KBTBD3: variants seen among roughly 807,000 people sequenced by gnomAD.
The protein encoded by KBTBD3 is kelch repeat and BTB domain containing 3.
In KBTBD3, 38 loss-of-function variants were observed where a neutral mutation model predicts 49.6. The ratio of observed to expected loss-of-function variants is 0.77; its 90% CI spans 0.59 to 1.00. KBTBD3 has a LOEUF of 1.00. Ranked by LOEUF, KBTBD3 falls within the 50% of genes least tolerant of loss-of-function variation. KBTBD3 has a pLI of 0.00. For synonymous variants in KBTBD3, 214 were observed against 250.4 expected (o/e 0.85, Z 1.37); for missense variants, 661 against 712.0 (o/e 0.93, Z 0.81).
intron 2 of KBTBD3, among the ~76,000 whole-genome samples, chr11:106,071,959 G>A (rs1365440976): frequency 6.6e-6 from 1 of 152,072 alleles, no homozygotes; most frequent in Non-Finnish European, 1.5e-5. Flanking sequence ...AGATTTATAA[G>A]GCAATTATTT....
intron 2 of KBTBD3, among the ~76,000 whole-genome samples, chr11:106,062,171 T>C (rs1017355843): frequency 5.3e-5 from 8 of 151,978 alleles, no homozygotes; most frequent in African/African-American, 1.7e-4. Flanking sequence ...TGAGTAACTA[T>C]GAATAGGGAG....
In KBTBD3 at chr11:106,051,966, C is replaced by G. The variant is rs1161728726; in HGVS notation, c.*884G>C. ...TAAGAAATGCCATAATAATGATCCACTTAATTAGAGGTCAATTTTCTATGT... is the reference window on the plus strand; with the variant it reads ...TAAGAAATGCCATAATAATGATCCAGTTAATTAGAGGTCAATTTTCTATGT... On this transcript the variant is annotated 3_prime_UTR_variant, in exon 4 of 4. Coordinates refer to ENST00000531837, the MANE Select transcript of KBTBD3 (RefSeq NM_198439.3). The G allele has an allele frequency of 6.6e-6, 1 of 151,808 alleles. No homozygotes were observed. Among genetic ancestry groups the G allele is most frequent in the Non-Finnish European group, 1.5e-5 (1 of 67,806 alleles). The allele number at this position is 151,808 out of a possible 1,614,324, so 9.4% of individuals were successfully genotyped here.
rs111726815 is a variant in KBTBD3 at position 106,063,062 on chromosome 11, T to C, written c.-12-3953A>G. On this transcript the variant is annotated intron_variant, in intron 2 of 3. Coordinates refer to ENST00000531837, the MANE Select transcript of KBTBD3 (RefSeq NM_198439.3). ...ATCATACATCTTCCCAAGAGTGTGA[T>C]ATAATGTTGTTAAATAAGATGGCTA... Among the ~76,000 whole-genome samples the C allele has an allele frequency of 3.3e-3, 499 of 152,382 alleles. 2 individuals carry two copies. The highest frequency in any genetic ancestry group is 0.011 in the African/African-American group (473 of 41,600).
In KBTBD3 at chr11:106,053,947, C is replaced by T. The variant is rs1380590484; in HGVS notation, c.742G>A (p.Glu248Lys). Residue 248 changes from glutamate (E) to lysine (K), a missense_variant, in exon 4 of 4, where the codon GAG becomes AAG. By Grantham distance (56) the Glu-to-Lys change is moderately conservative (BLOSUM62 1). Transcript: ENST00000531837. ...AACAGACAGTCCTGAAGTGTCTCCT[C>T]AGATAACTGATGTAATCTCACTTTT... Reference protein sequence around the residue: ...IEKVRLHQLSEETLQDCLFNE... With the variant: ...IEKVRLHQLSKETLQDCLFNE... The T allele has an allele frequency of 3.1e-6, 5 of 1,613,840 alleles. No individual in the cohort carries two copies. In the African/African-American group the frequency reaches 4.0e-5, roughly 13 times the overall value.
In KBTBD3 at chr11:106,052,855, C is replaced by A; in HGVS notation, c.1834G>T (p.Ala612Ser). 1 of 1,608,148 alleles carries A rather than the reference C, an allele frequency of 6.2e-7. No individual in the cohort carries two copies. Residue 612 changes from alanine to serine, a missense_variant, in exon 4 of 4, where the codon GCT (alanine) becomes TCT (serine). Transcript: ENST00000531837. ...YRDPWFSNLC[A>S] ...CTGGACTCGTTTTAGAATGTTCAAG[C>A]ACATAGATTAGAAAACCATGGGTCT...
intron 2 of KBTBD3, among the ~76,000 whole-genome samples, chr11:106,068,491 A>G (rs1357456335): frequency 6.6e-6 from 1 of 152,210 alleles, no homozygotes; most frequent in Non-Finnish European, 1.5e-5. Flanking sequence ...TGATGCAGCT[A>G]AAATAGTGTG....
At position 106,053,099 on chromosome 11, in the gene KBTBD3, A is replaced by T. The variant is rs1415795624; in HGVS notation, c.1590T>A (p.Val530=). 6.2e-7 allele frequency: 1 copy of T among 1,613,758 alleles called. No homozygotes were observed. The highest frequency in any genetic ancestry group is 8.5e-7 in the Non-Finnish European group (1 of 1,179,816). Residue 530 remains valine (V), a synonymous_variant, in exon 4 of 4, where the codon GTT becomes GTA. Coordinates refer to ENST00000531837, the MANE Select transcript of KBTBD3 (RefSeq NM_198439.3). ...ACTCAAAAGATCCTTCGCCTTTCCAAACACAAGTGTCTGGACAAAAACTAT... is the reference window on the plus strand; with the variant it reads ...ACTCAAAAGATCCTTCGCCTTTCCATACACAAGTGTCTGGACAAAAACTAT... ...KVYSFCPDTC[V]WKGEGSFECA...
At chr11:106,056,939 T>C (rs966715461) in intron 3 of KBTBD3, among the ~76,000 whole-genome samples, 3 of 151,834 alleles carry the variant, frequency 2.0e-5, no homozygotes, top group Non-Finnish European at 4.4e-5. Context: ...AATGGCAGAG[T>C]ATAAGACAGT....
rs189323545 is a variant in KBTBD3 at position 106,069,605 on chromosome 11, A to G, written c.-13+6902T>C. 2.5e-3 allele frequency among the ~76,000 whole-genome samples: 379 copies of G among 152,082 alleles called. 1 individual carries two copies. Among genetic ancestry groups the G allele is most frequent in the African/African-American group, 8.8e-3 (364 of 41,560 alleles). On this transcript the variant is annotated intron_variant, in intron 2 of 3. Transcript: ENST00000531837. ...AAAATATAAAATGCTAAAAAAAAAA[A>G]TAAAAGAAGACTAAAATGGAAAGAC... is the stretch of plus-strand genomic sequence containing the variant.
chr11:106,072,430 A>G (rs1860937680), intron 2 of KBTBD3, among the ~76,000 whole-genome samples: 1 of 152,160 alleles, frequency 6.6e-6, no homozygotes, highest in Admixed American at 6.5e-5. Flanking sequence ...GTTGTGCCAT[A>G]GTTGGCATTT....
At chr11:106,066,840 A>G (rs1244840196) in intron 2 of KBTBD3, among the ~76,000 whole-genome samples, 1 of 152,000 alleles carries the variant, frequency 6.6e-6, no homozygotes. Flanking sequence ...CAACAACAAT[A>G]ACGAAAAACC....
intron 3 of KBTBD3, among the ~76,000 whole-genome samples, chr11:106,058,370 G>T (rs1860602057): frequency 7.0e-6 from 1 of 142,066 alleles, no homozygotes; most frequent in Admixed American, 6.8e-5. Flanking sequence ...GACAGAGCGA[G>T]ACTCCCTCTA....
chr11:106,059,203 A>T (rs1344255909), intron 2 of KBTBD3, 94 bp from the exon 3 acceptor site: 2 of 615,660 alleles, frequency 3.2e-6, no homozygotes, highest in African/African-American at 4.0e-5. Flanking sequence ...CACAAAAATA[A>T]CCACTAAGAA....
intron 3 of KBTBD3, chr11:106,057,850 C>T (rs779214955): frequency 5.3e-6 from 2 of 376,218 alleles, no homozygotes; most frequent in Non-Finnish European, 4.7e-6. Flanking sequence ...CAACACAGGA[C>T]GGAAATTTTC....
At chr11:106,055,407 A>G (rs1327063227) in intron 3 of KBTBD3, among the ~76,000 whole-genome samples, 1 of 152,218 alleles carries the variant, frequency 6.6e-6, no homozygotes, top group African/African-American at 2.4e-5. Flanking sequence ...CAATTTACTT[A>G]TCAGAGTCTA....
intron 2 of KBTBD3, among the ~76,000 whole-genome samples, chr11:106,070,846 C>T (rs1043833553): frequency 6.6e-6 from 1 of 152,078 alleles, no homozygotes; most frequent in Non-Finnish European, 1.5e-5. Context: ...AATCATGGTA[C>T]ATCCATACCG....
At chr11:106,073,485 C>T (rs933360735) in intron 2 of KBTBD3, among the ~76,000 whole-genome samples, 3 of 151,720 alleles carry the variant, frequency 2.0e-5, no homozygotes, top group African/African-American at 7.3e-5. Context: ...ATTTTACAAA[C>T]AGAGAAAACA....
chr11:106,059,258 AC>A lies in KBTBD3; in HGVS notation c.-12-150del, dbSNP rs768353906. 6.3e-4 allele frequency: 348 copies of A among 553,910 alleles called. 1 individual carries two copies. The highest frequency in any genetic ancestry group is 4.5e-3 in the Middle Eastern group (10 of 2,198). The allele number at this position is 553,910 out of a possible 1,614,324, so 34.3% of individuals were successfully genotyped here. ...CTTGTTTTAAACATTTGTTTTCCTG[AC>A]ATTTAATATTAAATTCCTTTTGAAT... On this transcript the variant is annotated intron_variant, in intron 2 of 3. Coordinates refer to ENST00000531837, the MANE Select transcript of KBTBD3 (RefSeq NM_198439.3).
intron 2 of KBTBD3, among the ~76,000 whole-genome samples, chr11:106,067,709 A>G (rs1313115391): frequency 3.9e-5 from 6 of 152,222 alleles, no homozygotes; most frequent in Admixed American, 2.6e-4. Flanking sequence ...CACAGGAGAC[A>G]GACAGAAAAA....
Sources: gnomAD v4.1 joint callset for allele counts (sites outside exome capture counted in the v4.1 genomes callset) on GRCh38, gnomAD v4.1.1 for gene constraint, MANE v1.5 for transcripts, NCBI Gene and HGNC (gene_info 2026-07-23, HGNC 2026-07-21) for gene names.